OR4K1: variants seen among roughly 807,000 people sequenced by gnomAD.
OR4K1 encodes the protein olfactory receptor family 4 subfamily K member 1.
A neutral mutation model predicts 14.4 loss-of-function variants in OR4K1; 16 were observed. That is an observed-to-expected ratio of 1.11 (90% CI 0.75 to 1.68). The LOEUF (loss-of-function observed/expected upper bound fraction) is 1.68, where lower values mean the gene tolerates loss of function less well. Ranked by LOEUF, OR4K1 falls within the 40% of genes most tolerant of loss-of-function variation. The pLI is 0.00. For missense variants in OR4K1, 548 were observed against 376.9 expected (o/e 1.45, Z -3.76); for synonymous variants, 181 against 133.1 (o/e 1.36, Z -2.48).
the OR4K1 span, among the ~76,000 whole-genome samples, chr14:19,921,847 T>C: frequency 1.6e-4 from 24 of 152,318 alleles, no homozygotes. Flanking sequence ...GGGGTAAATG[T>C]AAATATCAAG....
upstream of OR4K1, among the ~76,000 whole-genome samples, chr14:19,929,508 T>C (rs1185818775): frequency 6.6e-6 from 1 of 151,970 alleles, no homozygotes; most frequent in African/African-American, 2.4e-5. Flanking sequence ...TTCTGGTTAT[T>C]TTTCTCTTGC....
intron 1 of OR4K1, among the ~76,000 whole-genome samples, chr14:19,934,587 G>C (rs1273913200): frequency 6.6e-6 from 1 of 152,232 alleles, no homozygotes; most frequent in Admixed American, 6.5e-5. Flanking sequence ...GACCTTCAGA[G>C]AAATTTTCAG....
At chr14:19,935,612 A>T (rs553634573) in intron 1 of OR4K1, 36 bp from the exon 2 acceptor site, 1 of 1,413,314 alleles carries the variant, frequency 7.1e-7, no homozygotes, top group East Asian at 2.3e-5. Flanking sequence ...TTGTAATGCC[A>T]ATCATTGTGA....
At chr14:19,934,657 C>CT (rs1408434218) in intron 1 of OR4K1, among the ~76,000 whole-genome samples, 1 of 151,118 alleles carries the variant, frequency 6.6e-6, no homozygotes, top group Non-Finnish European at 1.5e-5. Flanking sequence ...ATTTTCTTTT[C>CT]TTTTTTCTTC....
the OR4K1 span, chr14:19,920,556 C>T: frequency 1.5e-4 from 228 of 1,530,690 alleles, no homozygotes; most frequent in Non-Finnish European, 1.9e-4. Flanking sequence ...TGATTCCTTT[C>T]TATTTATCCT....
upstream of OR4K1, among the ~76,000 whole-genome samples, chr14:19,927,048 C>T (rs189374141): frequency 6.6e-6 from 1 of 152,238 alleles, no homozygotes; most frequent in South Asian, 2.1e-4. Flanking sequence ...GCTGCCACAG[C>T]AGCAAGCCAT....
At chr14:19,920,539 C>T in the OR4K1 span, 9 of 1,506,748 alleles carry the variant, frequency 6.0e-6, no homozygotes, top group Non-Finnish European at 7.1e-6. Flanking sequence ...ATTCTTAATT[C>T]AAATTCTGAT....
intron 1 of OR4K1, among the ~76,000 whole-genome samples, chr14:19,933,583 A>C (rs1234914515): frequency 6.6e-6 from 1 of 151,992 alleles, no homozygotes; most frequent in Non-Finnish European, 1.5e-5. Flanking sequence ...TTCTTGAGTA[A>C]CTTAGGTTTC....
chr14:19,925,945 G>A (rs1413045469), upstream of OR4K1, among the ~76,000 whole-genome samples: 1 of 152,240 alleles, frequency 6.6e-6, no homozygotes, highest in Non-Finnish European at 1.5e-5. Context: ...CAGAGTAGGT[G>A]ATTGCAAAGG....
upstream of OR4K1, among the ~76,000 whole-genome samples, chr14:19,929,148 T>A (rs1380621028): frequency 6.6e-6 from 1 of 151,412 alleles, no homozygotes; most frequent in Non-Finnish European, 1.5e-5. Flanking sequence ...ATTTTGCTTT[T>A]ATAACTGTAT....
chr14:19,921,181 C>T, the OR4K1 span: 1 of 1,614,174 alleles, frequency 6.2e-7, no homozygotes, highest in Non-Finnish European at 8.5e-7. Flanking sequence ...TGCCTGGACT[C>T]TTACATCATT....
the OR4K1 span, chr14:19,920,824 A>G: frequency 1.1e-5 from 18 of 1,614,222 alleles, no homozygotes; most frequent in Non-Finnish European, 1.5e-5. Flanking sequence ...GACATTTGTC[A>G]GGCTTCTTTT....
At chr14:19,920,740 T>C in the OR4K1 span, 7 of 1,614,170 alleles carry the variant, frequency 4.3e-6, no homozygotes, top group Non-Finnish European at 5.9e-6. Flanking sequence ...AATCTTCTCA[T>C]TATCCTCACA....
In OR4K1 at chr14:19,930,989, G is replaced by A. The variant is rs143765556; in HGVS notation, c.-176G>A. ...GAGGCTTCCTTCCATACGGCATAGT[G>A]TAGGGAACCAAGTTAAAATGCATCA... is the stretch of plus-strand genomic sequence containing the variant. On this transcript the variant is annotated 5_prime_UTR_variant, in exon 1 of 2. Transcript: ENST00000641172. 2.0e-5 allele frequency: 3 copies of A among 152,384 alleles called. No individual in the cohort carries two copies. The highest frequency in any genetic ancestry group is 4.8e-5 in the African/African-American group (2 of 41,582). The allele number at this position is 152,384 out of a possible 1,614,324, so 9.4% of individuals were successfully genotyped here.
At chr14:19,920,965 A>G in the OR4K1 span, 3 of 1,614,166 alleles carry the variant, frequency 1.9e-6, no homozygotes, top group South Asian at 1.1e-5. Context: ...TCGATGGCCT[A>G]TGACAGGTAT....
At position 19,935,957 on chromosome 14, in the gene OR4K1, C is replaced by T; in HGVS notation, c.291C>T (p.Cys97=). 1 of 1,614,196 alleles carries T rather than the reference C, an allele frequency of 6.2e-7. No homozygotes were observed. The highest frequency in any genetic ancestry group is 8.5e-7 in the Non-Finnish European group (1 of 1,180,026). Residue 97 remains cysteine, a synonymous_variant, in exon 2 of 2, where the codon TGC becomes TGT. Transcript: ENST00000641172. ...GCAAGACTATCTCCTTTGAGGGTTG[C>T]ATGGCCCAGATATTCGTTCTTCACA... is the stretch of plus-strand genomic sequence containing the variant. The part of the protein sequence containing the change: ...IERKTISFEG[C]MAQIFVLHSF...
upstream of OR4K1, among the ~76,000 whole-genome samples, chr14:19,927,277 C>T (rs942475060): frequency 2.6e-5 from 4 of 152,264 alleles, no homozygotes; most frequent in African/African-American, 7.2e-5. Context: ...TGCATTACTA[C>T]TCACTCAGAT....
chr14:19,931,812 A>G (rs1322399811), intron 1 of OR4K1, among the ~76,000 whole-genome samples: 1 of 152,210 alleles, frequency 6.6e-6, no homozygotes, highest in Non-Finnish European at 1.5e-5. Flanking sequence ...ATGATTCAAT[A>G]ATGAAGAAGC....
the OR4K1 span, chr14:19,921,710 CT>C: frequency 1.0e-6 from 1 of 994,918 alleles, no homozygotes; most frequent in Non-Finnish European, 1.4e-6. Context: ...ATTAACAAGT[CT>C]TTTTCTAGGT....
Sources: allele counts gnomAD v4.1 joint callset (sites outside exome capture counted in the v4.1 genomes callset), GRCh38; gene constraint gnomAD v4.1.1; transcripts MANE v1.5; gene names NCBI Gene and HGNC (gene_info 2026-07-23, HGNC 2026-07-21).